Variants in MACROD2 observed in about 807,000 individuals in gnomAD.
The protein encoded by MACROD2 is mono-ADP ribosylhydrolase 2.
MACROD2 carries 36 observed loss-of-function variants against 70.4 expected under a neutral mutation model. The observed-to-expected ratio is 0.51, with a 90% CI of 0.39 to 0.68. The LOEUF (loss-of-function observed/expected upper bound fraction) is 0.68, where lower values mean the gene tolerates loss of function less well. Ranked by LOEUF, MACROD2 falls within the 30% of genes least tolerant of loss-of-function variation. The pLI, the probability that MACROD2 is intolerant of heterozygous loss-of-function variation, is 0.00. For synonymous variants in MACROD2, 172 were observed against 178.8 expected (o/e 0.96, Z 0.30); for missense variants, 496 against 538.4 (o/e 0.92, Z 0.78).
chr20:15,259,350 G>T (rs74878657), intron 6 of MACROD2, among the ~76,000 whole-genome samples: 11,504 of 151,996 alleles, frequency 0.076, 573 homozygotes, highest in Non-Finnish European at 0.12. Flanking sequence ...GACAAAATGT[G>T]GGGGGAGCTG....
intron 5 of MACROD2, among the ~76,000 whole-genome samples, chr20:15,015,390 CT>C (rs1177632785): frequency 6.6e-6 from 1 of 151,738 alleles, no homozygotes; most frequent in South Asian, 2.1e-4. Flanking sequence ...GTTATTAATG[CT>C]TAAAACTGTA....
chr20:15,153,140 C>T lies in MACROD2; in HGVS notation c.419-76800C>T, dbSNP rs576472222. On this transcript the variant is annotated intron_variant, in intron 5 of 17. Transcript: ENST00000684519. Reference sequence around the variant, plus strand: ...AAGGGAGGTCCCCCAGTTCGAGTCACGGCACCAAATTTCATGTGTGTCCAT... The same window carrying T: ...AAGGGAGGTCCCCCAGTTCGAGTCATGGCACCAAATTTCATGTGTGTCCAT... Among the ~76,000 whole-genome samples, 8 of 152,104 alleles carry T rather than the reference C, an allele frequency of 5.3e-5. No homozygotes were observed. The South Asian group carries it at 8.3e-4, about 16-fold the overall frequency.
At chr20:14,515,051 C>G (rs1323583749) in intron 4 of MACROD2, among the ~76,000 whole-genome samples, 1 of 151,928 alleles carries the variant, frequency 6.6e-6, no homozygotes, top group Non-Finnish European at 1.5e-5. Context: ...GAAGTGCTCT[C>G]AAGAAGACTG....
chr20:15,372,900 A>C (rs1441767089), intron 6 of MACROD2, among the ~76,000 whole-genome samples: 1 of 152,058 alleles, frequency 6.6e-6, no homozygotes, highest in African/African-American at 2.4e-5. Flanking sequence ...AAAAATTAAA[A>C]AATTAGCCAT....
chr20:14,755,809 A>G (rs2071932963), intron 5 of MACROD2, among the ~76,000 whole-genome samples: 1 of 152,030 alleles, frequency 6.6e-6, no homozygotes, highest in African/African-American at 2.4e-5. Flanking sequence ...GAGGAAATAA[A>G]TATTCTATCA....
At chr20:14,044,768 C>T (rs1375353359) in intron 2 of MACROD2, among the ~76,000 whole-genome samples, 1 of 152,228 alleles carries the variant, frequency 6.6e-6, no homozygotes, top group Non-Finnish European at 1.5e-5. Context: ...TGGCTTCACC[C>T]AGTGGATCCC....
chr20:14,004,479 C>T (rs1419257917), intron 2 of MACROD2, among the ~76,000 whole-genome samples: 1 of 152,268 alleles, frequency 6.6e-6, no homozygotes, highest in Non-Finnish European at 1.5e-5. Flanking sequence ...TGTTGTGACC[C>T]AGACTCTGGT....
intron 10 of MACROD2, among the ~76,000 whole-genome samples, chr20:15,927,704 T>G (rs2147305754): frequency 6.6e-6 from 1 of 152,262 alleles, no homozygotes; most frequent in African/African-American, 2.4e-5. Context: ...CACATGAGGC[T>G]CTTCATTAAA....
chr20:15,425,060 G>A (rs932735652), intron 6 of MACROD2, among the ~76,000 whole-genome samples: 6 of 152,176 alleles, frequency 3.9e-5, no homozygotes. Context: ...CTTTCAGAGA[G>A]GGTGGCAGTG....
chr20:15,654,181 A>G (rs2049691173), intron 8 of MACROD2, among the ~76,000 whole-genome samples: 1 of 152,190 alleles, frequency 6.6e-6, no homozygotes, highest in African/African-American at 2.4e-5. Context: ...ACCATGCAGA[A>G]GTTCAGAGAA....
chr20:15,227,660 T>C (rs2076918965), intron 5 of MACROD2, among the ~76,000 whole-genome samples: 1 of 152,106 alleles, frequency 6.6e-6, no homozygotes, highest in South Asian at 2.1e-4. Flanking sequence ...TGTGGAAATC[T>C]AGTCCTATAA....
chr20:14,011,220 G>A (rs1389923480), intron 2 of MACROD2, among the ~76,000 whole-genome samples: 2 of 152,124 alleles, frequency 1.3e-5, no homozygotes, highest in Non-Finnish European at 2.9e-5. Context: ...GTCCCTTACT[G>A]GCAAGGTGCT....
intron 3 of MACROD2, among the ~76,000 whole-genome samples, chr20:14,416,485 A>T (rs1001543599): frequency 1.3e-5 from 2 of 152,152 alleles, no homozygotes; most frequent in African/African-American, 4.8e-5. Context: ...CATGTATGCG[A>T]TATATTTGTT....
In MACROD2 at chr20:14,533,778, G is replaced by A. The variant is rs185005481; in HGVS notation, c.301+40270G>A. 5.3e-5 allele frequency among the ~76,000 whole-genome samples: 8 copies of A among 152,266 alleles called. No individual in the cohort carries two copies. In the East Asian group the frequency reaches 1.5e-3, roughly 29 times the overall value. On this transcript the variant is annotated intron_variant, in intron 4 of 17. Transcript: ENST00000684519. The stretch of plus-strand genomic sequence containing the variant: ...GCAAATATTTTCATTGGAATCACTA[G>A]TAAAGCCATATATTGCCTTATTCAC...
chr20:15,887,629 C>A (rs1029203532), intron 10 of MACROD2, among the ~76,000 whole-genome samples: 1 of 152,040 alleles, frequency 6.6e-6, no homozygotes, highest in African/African-American at 2.4e-5. Flanking sequence ...TGGTTAATAC[C>A]CACATCTGAC....
chr20:14,792,551 AAAAG>A (rs543375171), intron 5 of MACROD2, among the ~76,000 whole-genome samples: 22 of 152,178 alleles, frequency 1.4e-4, no homozygotes, highest in Admixed American at 1.2e-3. Context: ...CTTTTCTGTC[AAAAG>A]AAAGAATCAG....
At chr20:15,021,211 T>C (rs2075173773) in intron 5 of MACROD2, among the ~76,000 whole-genome samples, 1 of 106,660 alleles carries the variant, frequency 9.4e-6, no homozygotes, top group Non-Finnish European at 2.0e-5. Context: ...TGTGTATGTA[T>C]ACACATACAG....
At chr20:14,720,037 C>G (rs539306809) in intron 5 of MACROD2, among the ~76,000 whole-genome samples, 11 of 152,276 alleles carry the variant, frequency 7.2e-5, no homozygotes, top group Admixed American at 4.6e-4. Context: ...TTGTAGACCA[C>G]TTTCTTGAAA....
intron 10 of MACROD2, among the ~76,000 whole-genome samples, chr20:15,909,721 C>T (rs1305760964): frequency 1.3e-5 from 2 of 151,886 alleles, no homozygotes; most frequent in East Asian, 3.9e-4. Flanking sequence ...GACGGGGTTT[C>T]ACCGTTTTAG....
Sources: gnomAD v4.1 joint callset for allele counts (sites outside exome capture counted in the v4.1 genomes callset) on GRCh38, gnomAD v4.1.1 for gene constraint, MANE v1.5 for transcripts, NCBI Gene and HGNC (gene_info 2026-07-23, HGNC 2026-07-21) for gene names.